Variants in RFC3 observed in about 807,000 individuals in gnomAD.
RFC3 encodes the protein replication factor C subunit 3.
In RFC3, 41 loss-of-function variants were observed where a neutral mutation model predicts 45.1. The ratio of observed to expected loss-of-function variants is 0.91; its 90% CI spans 0.71 to 1.18. RFC3 has a LOEUF of 1.18. RFC3 is among the 50% of genes most tolerant of loss of function. The probability of loss-of-function intolerance (pLI) is 0.00; values close to 1 mark genes in which losing one functional copy is unlikely to be tolerated. For missense variants in RFC3, 423 were observed against 428.1 expected (o/e 0.99, Z 0.10); for synonymous variants, 149 against 144.0 (o/e 1.03, Z -0.25).
intron 8 of RFC3, among the ~76,000 whole-genome samples, chr13:33,905,843 C>T (rs1048718359): frequency 6.6e-6 from 1 of 151,968 alleles, no homozygotes; most frequent in Non-Finnish European, 1.5e-5. Flanking sequence ...GATTGGAAAG[C>T]CCACTTTGAT....
At chr13:33,965,721 A>G (rs1280926874) in intron 8 of RFC3, among the ~76,000 whole-genome samples, 1 of 152,182 alleles carries the variant, frequency 6.6e-6, no homozygotes, top group Non-Finnish European at 1.5e-5. Flanking sequence ...CTCTTATCAG[A>G]TAGAAACTAT....
intron 8 of RFC3, among the ~76,000 whole-genome samples, chr13:33,869,394 A>AT (rs11402336): frequency 0.77 from 114,487 of 148,492 alleles, 45,971 homozygotes; most frequent in Non-Finnish European, 0.91. Context: ...AACTGTGTAG[A>AT]TTTTTTTTTT....
chr13:33,915,911 G>A (rs1217733138), intron 8 of RFC3, among the ~76,000 whole-genome samples: 3 of 152,002 alleles, frequency 2.0e-5, no homozygotes, highest in East Asian at 1.9e-4. Context: ...TGATTCTCAC[G>A]CCTCAGCCTC....
intron 8 of RFC3, among the ~76,000 whole-genome samples, chr13:33,951,299 C>T (rs1165227287): frequency 6.7e-6 from 1 of 149,378 alleles, no homozygotes; most frequent in Admixed American, 6.7e-5. Flanking sequence ...GTGGCGCGAT[C>T]TCGGGTCACT....
chr13:33,913,745 G>T (rs535706562), intron 8 of RFC3, among the ~76,000 whole-genome samples: 1 of 152,116 alleles, frequency 6.6e-6, no homozygotes. Context: ...CTCAATCTCT[G>T]GTAGTTACTG....
intron 8 of RFC3, among the ~76,000 whole-genome samples, chr13:33,938,102 A>T (rs1278483056): frequency 7.1e-6 from 1 of 140,236 alleles, no homozygotes; most frequent in Non-Finnish European, 1.5e-5. Flanking sequence ...AAGTCCAAGG[A>T]TGTTTGCAAA....
At chr13:33,922,466 A>G (rs1339222425) in intron 8 of RFC3, among the ~76,000 whole-genome samples, 4 of 152,132 alleles carry the variant, frequency 2.6e-5, no homozygotes, top group African/African-American at 9.6e-5. Context: ...TATTGTGATA[A>G]TTATCATCAA....
intron 8 of RFC3, chr13:33,846,910 C>CTT: frequency 6.6e-6 from 1 of 151,384 alleles, no homozygotes; most frequent in Non-Finnish European, 1.5e-5. Context: ...CTCTCTTTTT[C>CTT]TTTTTTTTTG....
the RFC3 span, among the ~76,000 whole-genome samples, chr13:33,973,623 TTCTCCC>T: frequency 5.3e-5 from 8 of 151,706 alleles, no homozygotes; most frequent in East Asian, 9.7e-4. Flanking sequence ...CTCCTTCTCC[TTCTCCC>T]TCTCCCTCTC....
intron 8 of RFC3, 124 bp from the exon 9 acceptor site, chr13:33,835,980 A>T (rs1566386614): frequency 2.9e-6 from 3 of 1,043,674 alleles, no homozygotes; most frequent in Middle Eastern, 3.1e-4. Flanking sequence ...TCACATAAAA[A>T]ATTAAAGATC....
intron 8 of RFC3, among the ~76,000 whole-genome samples, chr13:33,916,392 C>T (rs2082733709): frequency 1.3e-5 from 2 of 152,154 alleles, no homozygotes; most frequent in South Asian, 2.1e-4. Flanking sequence ...TTATTCTATT[C>T]AATCTTCACT....
At position 33,818,283 on chromosome 13, in the gene RFC3, G is replaced by T. The variant is rs1436162997; in HGVS notation, c.87+18G>T. The T allele has an allele frequency of 1.2e-6, 2 of 1,608,486 alleles. No individual in the cohort carries two copies. Among genetic ancestry groups the T allele is most frequent in the South Asian group, 2.2e-5 (2 of 90,884 alleles). ...GGAACCTGGTGAGTCTGCGGGGGCC[G>T]GGAGCGTGGGAGAGGGGAGGCCCCC... On this transcript the variant is annotated intron_variant, in intron 1 of 8. Coordinates refer to ENST00000380071, the MANE Select transcript of RFC3 (RefSeq NM_002915.4).
At chr13:33,961,169 C>G (rs2083054837) in intron 8 of RFC3, among the ~76,000 whole-genome samples, 1 of 152,076 alleles carries the variant, frequency 6.6e-6, no homozygotes, top group Non-Finnish European at 1.5e-5. Context: ...ATCTGGCCAC[C>G]CCGCCTATTA....
chr13:33,850,726 A>T (rs553583268), intron 8 of RFC3: 1 of 152,304 alleles, frequency 6.6e-6, no homozygotes, highest in Middle Eastern at 3.4e-3. Context: ...AACTCATTTT[A>T]TGCTGTTTTT....
At chr13:33,863,035 T>C (rs923091469) in intron 8 of RFC3, among the ~76,000 whole-genome samples, 5 of 152,200 alleles carry the variant, frequency 3.3e-5, no homozygotes, top group Non-Finnish European at 7.4e-5. Context: ...TCCTTACATA[T>C]AGTGTTTCCC....
downstream of RFC3, among the ~76,000 whole-genome samples, chr13:33,842,290 GA>G (rs760733297): frequency 0.016 from 2,156 of 138,036 alleles, 35 homozygotes; most frequent in African/African-American, 0.052. Flanking sequence ...CCTGTCTCAG[GA>G]AAAAAAAAAA....
At chr13:33,864,299 C>A (rs746245325) in intron 8 of RFC3, among the ~76,000 whole-genome samples, 27 of 152,164 alleles carry the variant, frequency 1.8e-4, no homozygotes, top group Non-Finnish European at 3.5e-4. Flanking sequence ...GATCACATTT[C>A]AAAATGAGAT....
At chr13:33,883,468 G>C (rs1022638165) in intron 8 of RFC3, among the ~76,000 whole-genome samples, 1 of 152,064 alleles carries the variant, frequency 6.6e-6, no homozygotes, top group Non-Finnish European at 1.5e-5. Context: ...TCTTGATTGT[G>C]GTGGTAGCTA....
the RFC3 span, among the ~76,000 whole-genome samples, chr13:33,975,174 TA>T: frequency 6.6e-6 from 1 of 152,216 alleles, no homozygotes; most frequent in Admixed American, 6.5e-5. Flanking sequence ...GAACAAACTG[TA>T]GTATGCTCAT....
Sources: gnomAD v4.1 joint callset for allele counts (sites outside exome capture counted in the v4.1 genomes callset) on GRCh38, gnomAD v4.1.1 for gene constraint, MANE v1.5 for transcripts, NCBI Gene and HGNC (gene_info 2026-07-23, HGNC 2026-07-21) for gene names.